The following IL1RAPL2 variants were observed in gnomAD, a reference collection of about 807,000 sequenced individuals.
IL1RAPL2 encodes the protein interleukin 1 receptor accessory protein like 2, also known as X-linked interleukin-1 receptor accessory protein-like 2.
IL1RAPL2 carries 3 observed loss-of-function variants against 44.1 expected under a neutral mutation model. That is an observed-to-expected ratio of 0.07 (90% confidence interval 0.03 to 0.18). The LOEUF is 0.18. IL1RAPL2 is among the 10% of genes least tolerant of loss of function. IL1RAPL2 has a pLI of 1.00. For synonymous variants in IL1RAPL2, 181 were observed against 178.8 expected, an observed-to-expected ratio of 1.01 and a Z score of -0.10; for missense variants, 391 against 496.4, an observed-to-expected ratio of 0.79 and a Z score of 2.02.
At chrX:105,384,349 C>A (rs1162643614) in intron 5 of IL1RAPL2, among the ~76,000 whole-genome samples, 3 of 111,636 alleles carry the variant, frequency 2.7e-5, no homozygotes, top group African/African-American at 9.8e-5. Flanking sequence ...TTGCCAGCAC[C>A]ATTTTTTGAG....
intron 5 of IL1RAPL2, among the ~76,000 whole-genome samples, chrX:105,389,105 A>T (rs779781418): frequency 1.8e-5 from 2 of 111,924 alleles, no homozygotes; most frequent in African/African-American, 3.2e-5. Flanking sequence ...CCTAGTATGG[A>T]TTCCAAATAT....
chrX:104,733,723 C>A (rs1931965082), intron 2 of IL1RAPL2, among the ~76,000 whole-genome samples: 1 of 109,480 alleles, frequency 9.1e-6, no homozygotes, highest in South Asian at 3.8e-4. Context: ...ATAGAAAATA[C>A]AATACTATAA....
chrX:104,608,522 A>G (rs1360616789), intron 1 of IL1RAPL2, among the ~76,000 whole-genome samples: 2 of 110,722 alleles, frequency 1.8e-5, no homozygotes, highest in African/African-American at 3.3e-5. Flanking sequence ...GTGCTCCTGT[A>G]TTGGGTGCAT....
intron 2 of IL1RAPL2, among the ~76,000 whole-genome samples, chrX:104,888,344 A>G (rs1019387997): frequency 1.9e-5 from 2 of 104,186 alleles, no homozygotes; most frequent in African/African-American, 7.1e-5. Flanking sequence ...GAGAGAGAGA[A>G]AGTCAGAGAA....
intron 6 of IL1RAPL2, among the ~76,000 whole-genome samples, chrX:105,601,109 GT>G (rs1401514669): frequency 1.8e-5 from 2 of 110,180 alleles, no homozygotes; most frequent in African/African-American, 6.6e-5. Flanking sequence ...AGGTAATTTT[GT>G]TTTTTTTAAA....
chrX:104,994,252 T>C (rs1293163335), intron 2 of IL1RAPL2, among the ~76,000 whole-genome samples: 1 of 111,422 alleles, frequency 9.0e-6, no homozygotes, highest in Non-Finnish European at 1.9e-5. Flanking sequence ...ACAGACTTAA[T>C]GATGAGGGAA....
At chrX:105,543,262 A>G (rs1176669058) in intron 6 of IL1RAPL2, among the ~76,000 whole-genome samples, 1 of 112,180 alleles carries the variant, frequency 8.9e-6, no homozygotes, top group African/African-American at 3.2e-5. Context: ...TACATACTGT[A>G]TGGCCCAGCC....
chrX:105,553,197 T>C (rs990706820), intron 6 of IL1RAPL2, among the ~76,000 whole-genome samples: 2 of 111,260 alleles, frequency 1.8e-5, no homozygotes, highest in Admixed American at 9.5e-5. Context: ...ATAGAAAAAA[T>C]AGATAATCAT....
chrX:104,733,234 G>A (rs746097441), intron 2 of IL1RAPL2, among the ~76,000 whole-genome samples: 8 of 111,458 alleles, frequency 7.2e-5, no homozygotes, highest in Non-Finnish European at 1.1e-4. Flanking sequence ...AAAGTTATGC[G>A]TATTGGAAAG....
chrX:104,999,902 A>G (rs1160296564), intron 2 of IL1RAPL2, among the ~76,000 whole-genome samples: 1 of 110,770 alleles, frequency 9.0e-6, no homozygotes, highest in Non-Finnish European at 1.9e-5. Flanking sequence ...CTTACTTAGT[A>G]CTTTCCATTT....
chrX:105,643,275 A>G (rs1053069052), intron 6 of IL1RAPL2, among the ~76,000 whole-genome samples: 15 of 111,720 alleles, frequency 1.3e-4, no homozygotes, highest in African/African-American at 4.6e-4. Context: ...AACCAGAGAA[A>G]TAAGTCTAAA....
At position 105,727,200 on chromosome X, in the gene IL1RAPL2, G is replaced by T. The variant is rs185220340; in HGVS notation, c.902+9704G>T. 2.5e-3 allele frequency among the ~76,000 whole-genome samples: 273 copies of T among 111,194 alleles called. 2 individuals carry two copies. Among genetic ancestry groups the T allele is most frequent in the Admixed American group, 0.022 (233 of 10,430 alleles). ...GACCATTTACGATGAATGAAAATTGGTCTTAGAAATTTTATAATTATTTAC... is the reference window on the plus strand; with the variant it reads ...GACCATTTACGATGAATGAAAATTGTTCTTAGAAATTTTATAATTATTTAC... On this transcript the variant is annotated intron_variant, in intron 7 of 10. Transcript: ENST00000372582.
intron 5 of IL1RAPL2, among the ~76,000 whole-genome samples, chrX:105,431,834 A>T (rs746898441): frequency 1.9e-4 from 21 of 111,682 alleles, no homozygotes; most frequent in Non-Finnish European, 3.6e-4. Context: ...AATGAAGCAC[A>T]TGCAACTCGT....
intron 6 of IL1RAPL2, among the ~76,000 whole-genome samples, chrX:105,494,598 T>C (rs1232963825): frequency 3.6e-5 from 4 of 111,584 alleles, no homozygotes; most frequent in Non-Finnish European, 7.5e-5. Context: ...GATCTTTTGC[T>C]CCTTTAATAA....
Position 105,622,226 on chromosome X carries a change from A to G in IL1RAPL2, c.773-95141A>G, listed in dbSNP as rs187776288. Among the ~76,000 whole-genome samples, 108 of 108,503 alleles carry G rather than the reference A, an allele frequency of 1.0e-3. 1 individual carries two copies. The highest frequency in any genetic ancestry group is 3.5e-3 in the African/African-American group (106 of 30,019). The allele number at this position is 108,503 out of a possible 115,157, so 94.2% of individuals were successfully genotyped here. A position where few individuals can be genotyped will look rare whatever the true frequency, so the allele number is the denominator to read the frequency against. ...TATTTATATTAAATATGTATTCAGT[A>G]GAAGCACAATAAATAAGGTTCATTT... On this transcript the variant is annotated intron_variant, in intron 6 of 10. Transcript: ENST00000372582.
At chrX:105,305,538 TTCTC>T in intron 5 of IL1RAPL2, among the ~76,000 whole-genome samples, 1 of 110,648 alleles carries the variant, frequency 9.0e-6, no homozygotes, top group Non-Finnish European at 1.9e-5. Context: ...TCCCCCAACT[TTCTC>T]TCTTTCGCTC....
chrX:105,318,461 T>G (rs765537497), intron 5 of IL1RAPL2, among the ~76,000 whole-genome samples: 53 of 111,382 alleles, frequency 4.8e-4, no homozygotes, highest in Non-Finnish European at 9.2e-4. Context: ...AAAAAAAATT[T>G]TTTTGGAGGA....
chrX:105,576,546 A>G (rs1237042035), intron 6 of IL1RAPL2, among the ~76,000 whole-genome samples: 7 of 111,463 alleles, frequency 6.3e-5, no homozygotes, highest in Admixed American at 4.8e-4. Flanking sequence ...GCACATCCCC[A>G]TACTGGTCAC....
intron 2 of IL1RAPL2, among the ~76,000 whole-genome samples, chrX:104,668,530 T>C (rs926348972): frequency 2.1e-5 from 2 of 95,253 alleles, no homozygotes; most frequent in Non-Finnish European, 4.1e-5. Context: ...TCTGTTCACA[T>C]GCTTTACATT....
Sources: allele counts gnomAD v4.1 joint callset (sites outside exome capture counted in the v4.1 genomes callset), GRCh38; gene constraint gnomAD v4.1.1; transcripts MANE v1.5; gene names NCBI Gene and HGNC (gene_info 2026-07-23, HGNC 2026-07-21).